Variants in PSD3 observed in about 807,000 individuals in gnomAD.
The protein encoded by PSD3 is pleckstrin and Sec7 domain containing 3.
PSD3 carries 49 observed loss-of-function variants against 105.5 expected under a neutral mutation model. The observed-to-expected ratio is 0.46, with a 90% CI of 0.37 to 0.59. The LOEUF is 0.59. PSD3 is among the 20% of genes least tolerant of loss of function. The pLI is 0.00. For missense variants in PSD3, 1,561 were observed against 1,263.8 expected (o/e 1.24, Z -3.57); for synonymous variants, 557 against 457.8 (o/e 1.22, Z -2.77).
chr8:18,955,442 T>C (rs1823508077), intron 1 of PSD3, among the ~76,000 whole-genome samples: 1 of 152,186 alleles, frequency 6.6e-6, no homozygotes, highest in Non-Finnish European at 1.5e-5. Flanking sequence ...TGTTGATATA[T>C]TTTCATTTTG....
At chr8:18,548,643 T>C (rs540923955) in intron 15 of PSD3, among the ~76,000 whole-genome samples, 23 of 152,232 alleles carry the variant, frequency 1.5e-4, no homozygotes, top group Non-Finnish European at 3.1e-4. Context: ...CAGTGTCCTC[T>C]AATGCTCAAA....
intron 9 of PSD3, chr8:18,732,794 G>C (rs898860614): frequency 6.6e-6 from 1 of 152,032 alleles, no homozygotes; most frequent in Non-Finnish European, 1.5e-5. Context: ...AGGGATGGGA[G>C]AACTCCAAGT....
chr8:18,934,175 A>ATG (rs1410964855), intron 2 of PSD3, among the ~76,000 whole-genome samples: 1 of 152,176 alleles, frequency 6.6e-6, no homozygotes, highest in Non-Finnish European at 1.5e-5. Context: ...TGAGTCAAAA[A>ATG]TGTGTAGTTC....
intron 2 of PSD3, among the ~76,000 whole-genome samples, chr8:18,924,962 A>G (rs1821268757): frequency 6.6e-6 from 1 of 152,224 alleles, no homozygotes; most frequent in African/African-American, 2.4e-5. Flanking sequence ...ACAAAATAAG[A>G]GATATAGATA....
chr8:18,528,936 G>C lies in PSD3; in HGVS notation c.*6807C>G, dbSNP rs1179416108. 2.0e-5 allele frequency: 3 copies of C among 152,370 alleles called. No individual in the cohort carries two copies. The highest frequency in any genetic ancestry group is 2.0e-4 in the Admixed American group (3 of 15,288). 9.4% of individuals were successfully genotyped at this position (152,370 alleles called of 1,614,324 possible). On this transcript the variant is annotated 3_prime_UTR_variant, in exon 16 of 16. Coordinates refer to ENST00000327040, the MANE Select transcript of PSD3 (RefSeq NM_015310.4). ...CCTCGCTGTTGTTGCTGATGGAAAAGTGCTCAACTGCTCAGCATGTTCAGT... is the reference window on the plus strand; with the variant it reads ...CCTCGCTGTTGTTGCTGATGGAAAACTGCTCAACTGCTCAGCATGTTCAGT...
At chr8:18,745,568 G>A (rs1398945556) in intron 9 of PSD3, among the ~76,000 whole-genome samples, 1 of 151,968 alleles carries the variant, frequency 6.6e-6, no homozygotes, top group Non-Finnish European at 1.5e-5. Context: ...TATTTTCCCT[G>A]CCCCAGGACT....
intron 2 of PSD3, among the ~76,000 whole-genome samples, chr8:18,930,995 T>C: frequency 6.6e-6 from 1 of 152,270 alleles, no homozygotes; most frequent in East Asian, 1.9e-4. Context: ...TAGTAGATTT[T>C]ATTAGTATCT....
chr8:18,918,820 G>A (rs971063248), intron 2 of PSD3, among the ~76,000 whole-genome samples: 2 of 152,028 alleles, frequency 1.3e-5, no homozygotes, highest in African/African-American at 4.8e-5. Flanking sequence ...TACGTGGAGG[G>A]AGGGCACTGT....
At chr8:18,629,193 G>A (rs772960991) in intron 11 of PSD3, among the ~76,000 whole-genome samples, 2 of 151,968 alleles carry the variant, frequency 1.3e-5, no homozygotes, top group Admixed American at 1.3e-4. Context: ...ATAACCAGGG[G>A]TGTCGGACGT....
In PSD3 at chr8:18,555,205, CA is replaced by C. The variant is rs571431349; in HGVS notation, c.2928+1003del. Among the ~76,000 whole-genome samples, 107 of 151,914 alleles carry C rather than the reference CA, an allele frequency of 7.0e-4. 1 individual carries two copies. Among genetic ancestry groups the C allele is most frequent in the Non-Finnish European group, 1.1e-3 (74 of 68,002 alleles). ...GGAGTGAGAGGAGAAAGCCAGGGCT[CA>C]GCAGAGGAAGTAGTTATAAAGCAAT... On this transcript the variant is annotated intron_variant, in intron 15 of 15. Coordinates refer to ENST00000327040, the MANE Select transcript of PSD3 (RefSeq NM_015310.4).
At chr8:18,620,872 G>T (rs563900866) in intron 11 of PSD3, among the ~76,000 whole-genome samples, 1 of 152,132 alleles carries the variant, frequency 6.6e-6, no homozygotes, top group Non-Finnish European at 1.5e-5. Context: ...TAAAGAATTT[G>T]ACACACTGCA....
At chr8:18,653,532 A>C (rs995612774) in intron 10 of PSD3, among the ~76,000 whole-genome samples, 4 of 152,292 alleles carry the variant, frequency 2.6e-5, no homozygotes, top group Admixed American at 6.5e-5. Context: ...TGAGGACTAC[A>C]GGTTAACTTG....
chr8:18,948,380 T>G (rs1822995824), intron 1 of PSD3, among the ~76,000 whole-genome samples: 1 of 152,092 alleles, frequency 6.6e-6, no homozygotes. Context: ...TCGGGTCACA[T>G]GAGGAAAAGC....
chr8:18,750,932 TA>T (rs1273390360), intron 9 of PSD3, among the ~76,000 whole-genome samples: 1 of 151,988 alleles, frequency 6.6e-6, no homozygotes, highest in African/African-American at 2.4e-5. Context: ...GAGTTAGACA[TA>T]AAGACTCTCC....
chr8:18,693,753 T>C (rs977169540), intron 9 of PSD3, among the ~76,000 whole-genome samples: 1 of 152,216 alleles, frequency 6.6e-6, no homozygotes, highest in Non-Finnish European at 1.5e-5. Context: ...TTGGTTCAAG[T>C]CTATTTTTCT....
intron 1 of PSD3, among the ~76,000 whole-genome samples, chr8:19,033,577 T>C (rs1052095331): frequency 2.0e-5 from 3 of 152,096 alleles, no homozygotes; most frequent in South Asian, 2.1e-4. Context: ...TTTTTTTTCT[T>C]TCCTTGTACC....
chr8:18,555,067 G>C (rs188755804), intron 15 of PSD3, among the ~76,000 whole-genome samples: 41 of 152,176 alleles, frequency 2.7e-4, no homozygotes, highest in African/African-American at 9.6e-4. Flanking sequence ...AGGTAACTGG[G>C]GGAGGGGAAT....
At chr8:18,823,100 A>G (rs1343931587) in intron 4 of PSD3, among the ~76,000 whole-genome samples, 2 of 3,018 alleles carry the variant, frequency 6.6e-4, no homozygotes, top group Non-Finnish European at 0.011. Flanking sequence ...AGAGACAGGA[A>G]AAAAAAAAAA....
chr8:18,745,930 T>C (rs888742580), intron 9 of PSD3, among the ~76,000 whole-genome samples: 4 of 152,218 alleles, frequency 2.6e-5, no homozygotes, highest in Non-Finnish European at 5.9e-5. Flanking sequence ...TATTTGCATA[T>C]CCTAGTATAC....
Sources: allele counts gnomAD v4.1 joint callset (sites outside exome capture counted in the v4.1 genomes callset), GRCh38; gene constraint gnomAD v4.1.1; transcripts MANE v1.5; gene names NCBI Gene and HGNC (gene_info 2026-07-23, HGNC 2026-07-21).